The following ROBO2 variants were observed in gnomAD, a reference collection of about 807,000 sequenced individuals.
ROBO2 encodes roundabout guidance receptor 2.
In ROBO2, 53 loss-of-function variants were observed where a neutral mutation model predicts 160.8. The ratio of observed to expected loss-of-function variants is 0.33; its 90% CI spans 0.26 to 0.41. The LOEUF (loss-of-function observed/expected upper bound fraction) is 0.41. ROBO2 is among the 10% of genes least tolerant of loss of function. The pLI is 1.00. For synonymous variants in ROBO2, 664 were observed against 611.7 expected (o/e 1.09, Z -1.26); for missense variants, 1,577 against 1,722.4 (o/e 0.92, Z 1.49).
At chr3:76,317,896 A>C (rs1164836023) in intron 2 of ROBO2, among the ~76,000 whole-genome samples, 1 of 152,062 alleles carries the variant, frequency 6.6e-6, no homozygotes, top group African/African-American at 2.4e-5. Context: ...GTGCTTGAGA[A>C]TAATAGATTT....
intron 2 of ROBO2, among the ~76,000 whole-genome samples, chr3:75,950,365 G>A (rs17785720): frequency 0.43 from 65,399 of 151,844 alleles, 15,354 homozygotes; most frequent in South Asian, 0.65. Context: ...CCTTTGTTAA[G>A]GAACTGAAGG....
intron 2 of ROBO2, among the ~76,000 whole-genome samples, chr3:76,218,249 G>A (rs1575937102): frequency 6.6e-6 from 1 of 152,118 alleles, no homozygotes; most frequent in East Asian, 1.9e-4. Flanking sequence ...TTAAAAACTG[G>A]CACAAGACAG....
intron 2 of ROBO2, among the ~76,000 whole-genome samples, chr3:76,766,676 A>G (rs749084828): frequency 1.1e-4 from 16 of 151,638 alleles, no homozygotes; most frequent in Non-Finnish European, 1.0e-4. Context: ...GGGACTCTCA[A>G]TGGATCTTTT....
At chr3:77,304,773 G>A (rs773470210) in intron 2 of ROBO2, among the ~76,000 whole-genome samples, 2 of 152,124 alleles carry the variant, frequency 1.3e-5, no homozygotes, top group Non-Finnish European at 2.9e-5. Flanking sequence ...TTTTCTGGTT[G>A]AATAACAGCA....
At chr3:77,638,711 C>T (rs899791746) in intron 24 of ROBO2, among the ~76,000 whole-genome samples, 1 of 151,812 alleles carries the variant, frequency 6.6e-6, no homozygotes, top group Non-Finnish European at 1.5e-5. Context: ...CAAAGAATAC[C>T]CTTGGAAGCC....
Position 76,281,594 on chromosome 3 carries a change from T to G in ROBO2, c.109+343992T>G, listed in dbSNP as rs113550471. Among the ~76,000 whole-genome samples, 313 of 151,330 alleles carry G rather than the reference T, an allele frequency of 2.1e-3. 4 individuals are homozygous for G. Among genetic ancestry groups the G allele is most frequent in the African/African-American group, 6.9e-3 (285 of 41,296 alleles). ...TAAGGTCGTGTTAAGTTCTAACTTA[T>G]CCTGTGTGTGACTTTTCTTACATCA... On this transcript the variant is annotated intron_variant, in intron 2 of 26. Transcript: ENST00000487694.
intron 2 of ROBO2, among the ~76,000 whole-genome samples, chr3:76,578,794 C>A (rs540516721): frequency 6.6e-6 from 1 of 152,110 alleles, no homozygotes; most frequent in African/African-American, 2.4e-5. Context: ...ACAGCCTCCA[C>A]GGCATCTGTA....
chr3:76,475,316 A>G (rs1392184339), intron 2 of ROBO2, among the ~76,000 whole-genome samples: 2 of 152,138 alleles, frequency 1.3e-5, no homozygotes, highest in East Asian at 1.9e-4. Flanking sequence ...ACTGCTGGAA[A>G]AAAAAGTAGA....
intron 2 of ROBO2, among the ~76,000 whole-genome samples, chr3:76,616,495 A>AT (rs1319821054): frequency 2.0e-5 from 3 of 151,894 alleles, no homozygotes; most frequent in East Asian, 1.9e-4. Context: ...TGTTATTAGC[A>AT]TTTTTTTTCT....
chr3:76,496,183 C>T (rs1433859126), intron 2 of ROBO2, among the ~76,000 whole-genome samples: 1 of 152,206 alleles, frequency 6.6e-6, no homozygotes, highest in African/African-American at 2.4e-5. Flanking sequence ...TACTACCCAA[C>T]TCCTCACCCA....
intron 1 of ROBO2, among the ~76,000 whole-genome samples, chr3:77,076,586 A>C (rs1578759253): frequency 6.6e-6 from 1 of 152,238 alleles, no homozygotes; most frequent in South Asian, 2.1e-4. Context: ...CCTATAAATT[A>C]TTTCAAACTC....
intron 2 of ROBO2, among the ~76,000 whole-genome samples, chr3:76,611,710 A>T (rs935134200): frequency 4.6e-5 from 7 of 152,100 alleles, no homozygotes; most frequent in Admixed American, 3.9e-4. Flanking sequence ...TCTTTTTGAA[A>T]AAACAACTTT....
chr3:77,328,171 C>T (rs1162853202), intron 2 of ROBO2, among the ~76,000 whole-genome samples: 3 of 151,658 alleles, frequency 2.0e-5, no homozygotes, highest in Non-Finnish European at 4.4e-5. Flanking sequence ...GCCCCCATCA[C>T]TTCCTCTTCC....
At chr3:77,089,725 CA>C (rs1559983004) in intron 1 of ROBO2, among the ~76,000 whole-genome samples, 1 of 152,058 alleles carries the variant, frequency 6.6e-6, no homozygotes, top group Non-Finnish European at 1.5e-5. Context: ...TCGTGTTTTC[CA>C]AATATTGATC....
At chr3:76,467,900 G>A (rs1022381642) in intron 2 of ROBO2, among the ~76,000 whole-genome samples, 5 of 151,974 alleles carry the variant, frequency 3.3e-5, no homozygotes, top group African/African-American at 1.2e-4. Context: ...AGCATTCAGT[G>A]GCAATATATT....
intron 2 of ROBO2, among the ~76,000 whole-genome samples, chr3:77,002,959 C>G (rs1441870650): frequency 1.4e-5 from 2 of 140,038 alleles, no homozygotes; most frequent in African/African-American, 5.5e-5. Flanking sequence ...GTAATTAAGG[C>G]AGATCAGAAA....
At chr3:76,369,127 G>C (rs1354080323) in intron 2 of ROBO2, among the ~76,000 whole-genome samples, 1 of 151,928 alleles carries the variant, frequency 6.6e-6, no homozygotes, top group Non-Finnish European at 1.5e-5. Flanking sequence ...TGGCAATGTG[G>C]CTTCTTTCCC....
At chr3:76,448,645 C>T (rs969913171) in intron 2 of ROBO2, among the ~76,000 whole-genome samples, 2 of 152,150 alleles carry the variant, frequency 1.3e-5, no homozygotes, top group Non-Finnish European at 1.5e-5. Context: ...TTCTTCAAAT[C>T]CTTCCAAACA....
At position 77,438,148 on chromosome 3, in the gene ROBO2, C is replaced by T. The variant is rs975390738; in HGVS notation, c.389-39266C>T. On this transcript the variant is annotated intron_variant, in intron 2 of 25. Transcript: ENST00000461745. ...GATTGGATTGGAAAATGTGCTTGCA[C>T]GCTCTCTCTCTGTCTCTCTCGGCCT... 8.8e-5 allele frequency among the ~76,000 whole-genome samples: 12 copies of T among 137,018 alleles called. No homozygotes were observed. The South Asian group carries it at 9.2e-4, about 11-fold the overall frequency. The allele number at this position is 137,018 out of a possible 152,430, so 89.9% of individuals were successfully genotyped here. A position where few individuals can be genotyped will look rare whatever the true frequency, so the allele number is the denominator to read the frequency against.
Sources: gnomAD v4.1 joint callset for allele counts (sites outside exome capture counted in the v4.1 genomes callset) on GRCh38, gnomAD v4.1.1 for gene constraint, MANE v1.5 for transcripts, NCBI Gene and HGNC (gene_info 2026-07-23, HGNC 2026-07-21) for gene names.